THSD4: variants seen among roughly 807,000 people sequenced by gnomAD.
THSD4 encodes the protein thrombospondin type-1 domain-containing protein 4.
A neutral mutation model predicts 119.0 loss-of-function variants in THSD4; 69 were observed. The observed-to-expected ratio is 0.58, with a 90% CI of 0.48 to 0.71. The LOEUF is 0.71. Among genes scored for constraint, THSD4 ranks in the 30% least tolerant of loss-of-function variants. THSD4 has a pLI of 0.00. For missense variants in THSD4, 1,393 were observed against 1,391.1 expected (o/e 1.00, Z -0.02); for synonymous variants, 524 against 540.4 (o/e 0.97, Z 0.42).
At chr15:71,760,247 G>A (rs1388307046) in intron 15 of THSD4, among the ~76,000 whole-genome samples, 1 of 152,124 alleles carries the variant, frequency 6.6e-6, no homozygotes, top group African/African-American at 2.4e-5. Flanking sequence ...TGTGTTTTAG[G>A]GAAGAGACTC....
At chr15:71,370,140 A>G (rs1477906421) in intron 6 of THSD4, among the ~76,000 whole-genome samples, 1 of 151,180 alleles carries the variant, frequency 6.6e-6, no homozygotes, top group Non-Finnish European at 1.5e-5. Flanking sequence ...CCCCTTTATC[A>G]TTTTTCATTG....
At chr15:71,249,427 TAC>T (rs534944591) in intron 5 of THSD4, among the ~76,000 whole-genome samples, 14 of 148,556 alleles carry the variant, frequency 9.4e-5, no homozygotes, top group Non-Finnish European at 1.5e-4. Flanking sequence ...TATATATATA[TAC>T]ACACACATTT....
intron 5 of THSD4, among the ~76,000 whole-genome samples, chr15:71,245,793 T>C (rs2044194693): frequency 6.6e-6 from 1 of 152,162 alleles, no homozygotes; most frequent in Admixed American, 6.5e-5. Flanking sequence ...TTAGGCACGG[T>C]GAGCCACTCC....
chr15:71,716,971 C>G (rs2052622983), intron 8 of THSD4, among the ~76,000 whole-genome samples: 1 of 152,192 alleles, frequency 6.6e-6, no homozygotes, highest in African/African-American at 2.4e-5. Context: ...AATTCTGACC[C>G]CACCTCGGAT....
intron 7 of THSD4, among the ~76,000 whole-genome samples, chr15:71,519,358 TTTTTTC>T (rs1346681949): frequency 6.6e-6 from 1 of 152,130 alleles, no homozygotes; most frequent in Non-Finnish European, 1.5e-5. Flanking sequence ...TCTGAATTGT[TTTTTTC>T]TTTTTCTTTT....
intron 7 of THSD4, among the ~76,000 whole-genome samples, chr15:71,551,132 C>G (rs776652674): frequency 2.4e-4 from 36 of 152,106 alleles, no homozygotes; most frequent in Middle Eastern, 3.2e-3. Flanking sequence ...TGAGGTAGCT[C>G]TAGATGTGTA....
At chr15:71,638,428 C>G (rs1273732321) in intron 7 of THSD4, among the ~76,000 whole-genome samples, 1 of 152,206 alleles carries the variant, frequency 6.6e-6, no homozygotes, top group Non-Finnish European at 1.5e-5. Context: ...AACAGCCCAG[C>G]AGCACTGAGT....
chr15:71,180,155 T>A (rs2043497259), intron 3 of THSD4, among the ~76,000 whole-genome samples: 5 of 31,528 alleles, frequency 1.6e-4, no homozygotes, highest in African/African-American at 2.2e-4. Context: ...AAAAAAAACA[T>A]TAAAAAAAAA....
At chr15:71,325,876 A>G (rs1049417368) in intron 6 of THSD4, among the ~76,000 whole-genome samples, 1 of 152,242 alleles carries the variant, frequency 6.6e-6, no homozygotes, top group Non-Finnish European at 1.5e-5. Context: ...TGATAACATC[A>G]AAACCAGAAC....
intron 14 of THSD4, among the ~76,000 whole-genome samples, chr15:71,754,845 A>G (rs1427137455): frequency 1.3e-5 from 2 of 152,200 alleles, no homozygotes; most frequent in Non-Finnish European, 2.9e-5. Context: ...GAGGGATTAT[A>G]TACCATTTTA....
chr15:71,444,532 C>T (rs1438716624), intron 7 of THSD4, among the ~76,000 whole-genome samples: 1 of 152,340 alleles, frequency 6.6e-6, no homozygotes, highest in South Asian at 2.1e-4. Flanking sequence ...TCTGCTAATT[C>T]ACTGCTTTCC....
chr15:71,626,359 A>G (rs918843430), intron 7 of THSD4, among the ~76,000 whole-genome samples: 4 of 152,202 alleles, frequency 2.6e-5, no homozygotes, highest in Non-Finnish European at 4.4e-5. Flanking sequence ...ATTGAACAAC[A>G]TGGTGACTGT....
At chr15:71,423,607 T>C (rs2046834976) in intron 7 of THSD4, among the ~76,000 whole-genome samples, 1 of 152,164 alleles carries the variant, frequency 6.6e-6, no homozygotes, top group African/African-American at 2.4e-5. Flanking sequence ...AGGAAGGAGT[T>C]TCTCCCATAG....
intron 10 of THSD4, among the ~76,000 whole-genome samples, chr15:71,735,173 G>C (rs981727158): frequency 1.3e-5 from 2 of 152,062 alleles, no homozygotes; most frequent in Non-Finnish European, 2.9e-5. Flanking sequence ...ACATTGGCTA[G>C]ACCCCCCTGG....
intron 7 of THSD4, among the ~76,000 whole-genome samples, chr15:71,554,911 C>T (rs1254758581): frequency 6.6e-6 from 1 of 152,032 alleles, no homozygotes; most frequent in Non-Finnish European, 1.5e-5. Context: ...ATAAAGCAAA[C>T]ACGTATGAAC....
chr15:71,437,631 C>G (rs901325164), intron 7 of THSD4, among the ~76,000 whole-genome samples: 1 of 152,106 alleles, frequency 6.6e-6, no homozygotes, highest in South Asian at 2.1e-4. Context: ...TGTTAAAGTG[C>G]TATATTTTCG....
intron 7 of THSD4, among the ~76,000 whole-genome samples, chr15:71,500,276 G>A (rs2048090379): frequency 6.6e-6 from 1 of 151,996 alleles, no homozygotes; most frequent in Admixed American, 6.6e-5. Context: ...ATTTGTATAT[G>A]GTCTTTGAAG....
chr15:71,593,917 C>A lies in THSD4; in HGVS notation c.1153-66613C>A, dbSNP rs192442886. ...AGATCCTGACACCCCTTCCCACCCC[C>A]CCGGCAAAAAAAAAATCTTACTACC... On this transcript the variant is annotated intron_variant, in intron 7 of 17. Transcript: ENST00000261862. 2.0e-3 allele frequency among the ~76,000 whole-genome samples: 306 copies of A among 150,428 alleles called. 3 individuals carry two copies. The highest frequency in any genetic ancestry group is 6.7e-3 in the African/African-American group (271 of 40,622).
At chr15:71,411,164 TGGGA>T (rs2046682445) in intron 6 of THSD4, among the ~76,000 whole-genome samples, 1 of 152,154 alleles carries the variant, frequency 6.6e-6, no homozygotes, top group Non-Finnish European at 1.5e-5. Context: ...TGGCAAAGCG[TGGGA>T]GGATGTCTAA....
Sources: gnomAD v4.1 joint callset for allele counts (sites outside exome capture counted in the v4.1 genomes callset) on GRCh38, gnomAD v4.1.1 for gene constraint, MANE v1.5 for transcripts, NCBI Gene and HGNC (gene_info 2026-07-23, HGNC 2026-07-21) for gene names.